LTBP4: variants seen among roughly 807,000 people sequenced by gnomAD.
LTBP4 encodes latent-transforming growth factor beta-binding protein 4.
LTBP4 carries 93 observed loss-of-function variants against 180.2 expected under a neutral mutation model. That is an observed-to-expected ratio of 0.52 (90% CI 0.44 to 0.61). The LOEUF (loss-of-function observed/expected upper bound fraction) is 0.61. Ranked by LOEUF, LTBP4 falls within the 20% of genes least tolerant of loss-of-function variation. LTBP4 has a pLI of 0.00. For synonymous variants in LTBP4, 947 were observed against 934.5 expected, an observed-to-expected ratio of 1.01 and a Z score of -0.24; for missense variants, 2,116 against 2,256.5, an observed-to-expected ratio of 0.94 and a Z score of 1.26.
chr19:40,597,402 G>T, upstream of LTBP4: 1 of 1,499,702 alleles, frequency 6.7e-7, no homozygotes, highest in Non-Finnish European at 8.9e-7. Flanking sequence ...GCTTCCTTGT[G>T]CCCCTTCCAC....
In LTBP4 at chr19:40,622,851, GC is replaced by G; in HGVS notation, c.3485-98del. 1 of 1,414,730 alleles carries G rather than the reference GC, an allele frequency of 7.1e-7. No individual in the cohort carries two copies. The highest frequency in any genetic ancestry group is 9.7e-7 in the Non-Finnish European group (1 of 1,034,364). The allele number at this position is 1,414,730 out of a possible 1,614,324, so 87.6% of individuals were successfully genotyped here. A position where few individuals can be genotyped will look rare whatever the true frequency, so the allele number is the denominator to read the frequency against. ...AAGGCTGAGAGGTGGGCACTAACAG[GC>G]ACAGGGCCAGAGGGACTTTTGTGAC... On this transcript the variant is annotated intron_variant, in intron 23 of 29. Coordinates refer to ENST00000396819, the MANE Select transcript of LTBP4 (RefSeq NM_001042545.2). This position sits in a 1 kb window ranked among gnomAD's most constrained non-coding sequence, Gnocchi z 5.1.
chr19:40,593,756 C>T (rs1409236234), intron 1 of LTBP4, among the ~76,000 whole-genome samples: 2 of 151,162 alleles, frequency 1.3e-5, no homozygotes, highest in Non-Finnish European at 2.9e-5. Context: ...AAATGCTGGT[C>T]ATTCTATTCT....
chr19:40,616,808 T>C, intron 19 of LTBP4, 81 bp from the exon 20 acceptor site: 1 of 1,502,430 alleles, frequency 6.7e-7, no homozygotes. Context: ...AAAGACTTCT[T>C]AGTCTTGGGC....
At chr19:40,594,789 G>A (rs1402796615) in intron 1 of LTBP4, among the ~76,000 whole-genome samples, 1 of 152,176 alleles carries the variant, frequency 6.6e-6, no homozygotes, top group African/African-American at 2.4e-5. Flanking sequence ...GTCAGTGTGG[G>A]ATGGAGGCAT....
Position 40,613,073 on chromosome 19 carries a change from G to A in LTBP4, c.2308G>A (p.Glu770Lys), listed in dbSNP as rs1206491451. The A allele has an allele frequency of 1.2e-6, 2 of 1,611,770 alleles. No individual in the cohort carries two copies. Among genetic ancestry groups the A allele is most frequent in the Admixed American group, 1.7e-5 (1 of 59,776 alleles). Residue 770 changes from glutamate (E) to lysine (K), a missense_variant, in exon 16 of 30, where the codon GAA becomes AAA. Physicochemically the swap from Glu to Lys is moderately conservative, Grantham distance 56 (BLOSUM62 1). Around this residue, in one of 5 missense-constraint regions of LTBP4, gnomAD observed 877 missense variants for 873.6 expected, o/e 1.00. Transcript: ENST00000396819. The surrounding 1 kb of genome is among the most constrained non-coding windows in gnomAD (Gnocchi z 5.0). ...LHRGRCTDVD[E>K]CSSGAPPCGP... ...ACCCCCACCCCCCACAGATGTGGAC[G>A]AATGCAGTTCGGGTGCCCCTCCCTG...
chr19:40,608,641 A>T (rs1381401010), intron 9 of LTBP4, 38 bp downstream of exon 9: 2 of 1,553,250 alleles, frequency 1.3e-6, no homozygotes, highest in African/African-American at 2.7e-5. Context: ...GGCCTGCAGC[A>T]GTGGCTCACG....
At position 40,613,585 on chromosome 19, in the gene LTBP4, G is replaced by A; in HGVS notation, c.2557+56G>A. ...AAGGGTGGGCTTAGGGCAGGAAAAG[G>A]CGGGACGGGGAGAAGAGGGCGAAAA... On this transcript the variant is annotated intron_variant, in intron 17 of 29. Transcript: ENST00000396819. The surrounding 1 kb of genome is among the most constrained non-coding windows in gnomAD (Gnocchi z 5.0). The A allele has an allele frequency of 6.5e-7, 1 of 1,544,952 alleles. No individual in the cohort carries two copies. The highest frequency in any genetic ancestry group is 8.7e-7 in the Non-Finnish European group (1 of 1,148,308).
At chr19:40,619,540 A>G in intron 22 of LTBP4, 47 bp downstream of exon 22, 1 of 1,551,616 alleles carries the variant, frequency 6.4e-7, no homozygotes, top group Non-Finnish European at 8.7e-7. Context: ...GCCCCATGGG[A>G]AAATCACGTG....
rs762362995 is a variant in LTBP4 at position 40,608,260 on chromosome 19, C to A, written c.1197C>A (p.His399Gln). 2 of 1,613,958 alleles carry A rather than the reference C, an allele frequency of 1.2e-6. No individual in the cohort carries two copies. The highest frequency in any genetic ancestry group is 1.1e-5 in the South Asian group (1 of 91,068). Residue 399 changes from histidine to glutamine, a missense_variant, in exon 8 of 30, where the codon CAC (histidine) becomes CAA (glutamine). By Grantham distance (24) the His-to-Gln change is conservative. Transcript: ENST00000396819. ...TCTGCCCGGCTGGTCCTGGTTACCA[C>A]TACTCGGCCTCCGACCTCCGCTACA... is the stretch of plus-strand genomic sequence containing the variant. The part of the protein sequence containing the change: ...REICPAGPGY[H>Q]YSASDLRYNT...
At chr19:40,603,896 T>C (rs1205491536) in intron 1 of LTBP4, among the ~76,000 whole-genome samples, 1 of 152,198 alleles carries the variant, frequency 6.6e-6, no homozygotes, top group African/African-American at 2.4e-5. Context: ...GCCGCACCTC[T>C]CTCTTTGTTT....
rs757265718 is a variant in LTBP4, at chr19:40,608,286, A to G, written c.1223A>G (p.Asn408Ser). The change falls in exon 8 of 30, where the codon AAC (asparagine) becomes AGC (serine). Residue 408 changes from asparagine to serine, a missense_variant. Asn to Ser is a conservative substitution (Grantham distance 46). Around this residue, in one of 5 missense-constraint regions of LTBP4, gnomAD observed 877 missense variants for 873.6 expected, o/e 1.00. Transcript: ENST00000396819. The stretch of plus-strand genomic sequence containing the variant: ...TACTCGGCCTCCGACCTCCGCTACA[A>G]CACCAGACCCCTGGGCCAGGAGCCA... ...YHYSASDLRY[N>S]TRPLGQEPPR... 1.9e-6 allele frequency: 3 copies of G among 1,613,782 alleles called. No homozygotes were observed. The highest frequency in any genetic ancestry group is 1.1e-5 in the South Asian group (1 of 91,060).
chr19:40,622,980 G>T lies in LTBP4; in HGVS notation c.3515G>T (p.Arg1172Leu). 6.2e-7 allele frequency: 1 copy of T among 1,612,854 alleles called. No homozygotes were observed. Among genetic ancestry groups the T allele is most frequent in the Non-Finnish European group, 8.5e-7 (1 of 1,179,514 alleles). The change falls in exon 24 of 30, where the codon CGG becomes CTG. Residue 1172 changes from arginine to leucine, a missense_variant. Physicochemically the swap from Arg to Leu is moderately radical, Grantham distance 102. This residue lies in a region of LTBP4 where 278 missense variants were observed against 373.0 expected (regional missense o/e 0.75). Coordinates refer to ENST00000396819, the MANE Select transcript of LTBP4 (RefSeq NM_001042545.2). The surrounding 1 kb of genome is among the most constrained non-coding windows in gnomAD (Gnocchi z 5.1). ...AEYQSLCPHG[R>L]GYLAPSGDLS... ...TACCAGTCATTGTGCCCTCACGGCC[G>T]GGGCTACCTGGCGCCCAGTGGAGAC...
chr19:40,600,548 TG>T (rs2081416601), upstream of LTBP4, among the ~76,000 whole-genome samples: 1 of 152,188 alleles, frequency 6.6e-6, no homozygotes, highest in Admixed American at 6.5e-5. This position sits in a 1 kb window ranked among gnomAD's most constrained non-coding sequence, Gnocchi z 4.4. Context: ...GTGGGGCGGC[TG>T]GGGGCCAAAG....
intron 5 of LTBP4, 32 bp from the exon 6 acceptor site, chr19:40,606,372 T>C: frequency 6.2e-7 from 1 of 1,606,136 alleles, no homozygotes; most frequent in African/African-American, 1.3e-5. Context: ...ATCAAGTTCC[T>C]GACTCCACGG....
chr19:40,603,806 C>A (rs1239601571), intron 1 of LTBP4, among the ~76,000 whole-genome samples: 1 of 152,240 alleles, frequency 6.6e-6, no homozygotes, highest in Non-Finnish European at 1.5e-5. Flanking sequence ...GGTGCCCTCG[C>A]AGGACAGCCC....
chr19:40,617,293 C>G, intron 21 of LTBP4, 68 bp downstream of exon 21: 1 of 1,536,784 alleles, frequency 6.5e-7, no homozygotes, highest in Non-Finnish European at 8.8e-7. Context: ...CTGTCCCTCC[C>G]CATATATCTG....
At chr19:40,626,139 G>T in intron 27 of LTBP4, 130 bp downstream of exon 27, 3 of 1,038,040 alleles carry the variant, frequency 2.9e-6, no homozygotes, top group Non-Finnish European at 2.7e-6. Context: ...CCCCTATGTC[G>T]CAGCCCATCC....
chr19:40,625,326 T>TTTTTTG (rs1382016549), intron 26 of LTBP4, among the ~76,000 whole-genome samples: 1 of 33,038 alleles, frequency 3.0e-5, no homozygotes, highest in Admixed American at 2.7e-4. Context: ...ATTTTTTTTT[T>TTTTTTG]TAAAGATGGG....
At position 40,613,503 on chromosome 19, in the gene LTBP4, C is replaced by G; in HGVS notation, c.2531C>G (p.Pro844Arg). ...TGTACTTGTGCCCCTGGCTACCGAC[C>G]CGGACCCCGCGGAGCCTCTTGCCTC... Reference protein sequence around the residue: ...FACTCAPGYRPGPRGASCLDV... With the variant: ...FACTCAPGYRRGPRGASCLDV... Residue 844 changes from proline to arginine, a missense_variant, in exon 17 of 30, where the codon CCC becomes CGC. Coordinates refer to ENST00000396819, the MANE Select transcript of LTBP4 (RefSeq NM_001042545.2). The surrounding 1 kb of genome is among the most constrained non-coding windows in gnomAD (Gnocchi z 5.0). 1 of 1,576,900 alleles carries G rather than the reference C, an allele frequency of 6.3e-7. No homozygotes were observed. The highest frequency in any genetic ancestry group is 8.6e-7 in the Non-Finnish European group (1 of 1,162,178).
Sources: gnomAD v4.1 joint callset for allele counts (sites outside exome capture counted in the v4.1 genomes callset) on GRCh38, gnomAD v4.1.1 for gene constraint, gnomAD v4.1.1 regional missense constraint, Gnocchi (gnomAD v3.1) non-coding constraint, MANE v1.5 for transcripts, NCBI Gene and HGNC (gene_info 2026-07-23, HGNC 2026-07-21) for gene names.